The following WNT7A variants were observed in gnomAD, a reference collection of about 807,000 sequenced individuals.
WNT7A encodes protein Wnt-7a.
Under a neutral mutation model 28.2 loss-of-function variants are expected in WNT7A, and 16 were observed. The observed-to-expected ratio is 0.57, with a 90% CI of 0.38 to 0.86. The LOEUF is 0.86. Among genes scored for constraint, WNT7A ranks in the 40% least tolerant of loss-of-function variants. The pLI, the probability that WNT7A is intolerant of heterozygous loss-of-function variation, is 0.00. For synonymous variants in WNT7A, 190 were observed against 195.9 expected (o/e 0.97, Z 0.25); for missense variants, 411 against 489.7 (o/e 0.84, Z 1.52).
chr3:13,831,141 C>T (rs959098628), intron 3 of WNT7A, among the ~76,000 whole-genome samples: 3 of 152,140 alleles, frequency 2.0e-5, no homozygotes, highest in East Asian at 3.9e-4. Context: ...GGCTCAATGC[C>T]GGCCTCAAGC....
chr3:13,847,825 G>A (rs1351119585), intron 3 of WNT7A, among the ~76,000 whole-genome samples: 1 of 152,090 alleles, frequency 6.6e-6, no homozygotes, highest in East Asian at 1.9e-4. Context: ...GGACATGGGA[G>A]GTGGTTGTTT....
chr3:13,837,029 A>G (rs1295877813), intron 3 of WNT7A, among the ~76,000 whole-genome samples: 1 of 152,054 alleles, frequency 6.6e-6, no homozygotes, highest in Non-Finnish European at 1.5e-5. Context: ...GGAGCCCAGC[A>G]CACTGCAGGG....
intron 3 of WNT7A, among the ~76,000 whole-genome samples, chr3:13,841,283 T>C (rs776181550): frequency 2.0e-5 from 3 of 152,234 alleles, no homozygotes; most frequent in Admixed American, 6.5e-5. Flanking sequence ...TTTTTAGTGA[T>C]CTGTTCGTCT....
intron 2 of WNT7A, chr3:13,863,730 C>A (rs2124869000): frequency 6.6e-6 from 1 of 152,302 alleles, no homozygotes; most frequent in South Asian, 2.1e-4. Context: ...GCTGGCCCGC[C>A]CCTTGCTTCT....
At chr3:13,875,716 T>G (rs1695100408) in intron 1 of WNT7A, among the ~76,000 whole-genome samples, 1 of 152,080 alleles carries the variant, frequency 6.6e-6, no homozygotes, top group Non-Finnish European at 1.5e-5. Context: ...GTTTTATTGT[T>G]GGAAAAAAAA....
At position 13,825,771 on chromosome 3, in the gene WNT7A, C is replaced by G. The variant is rs566752826; in HGVS notation, c.571-6348G>C. ...AGGCAGTCCAACATAATGGGCAGGA[C>G]CGAGTCCAGTGCTCCCCATCAAGGC... On this transcript the variant is annotated intron_variant, in intron 3 of 3. Coordinates refer to ENST00000285018, the MANE Select transcript of WNT7A (RefSeq NM_004625.4). 3.3e-5 allele frequency among the ~76,000 whole-genome samples: 5 copies of G among 152,282 alleles called. No homozygotes were observed. In the East Asian group the frequency reaches 9.6e-4, roughly 29 times the overall value.
At chr3:13,863,562 A>G (rs1246107265) in intron 2 of WNT7A, 1 of 152,210 alleles carries the variant, frequency 6.6e-6, no homozygotes, top group Non-Finnish European at 1.5e-5. Flanking sequence ...TAGTGTCAGG[A>G]GAGCTAAAAC....
chr3:13,842,362 T>G (rs1284218332), intron 3 of WNT7A, among the ~76,000 whole-genome samples: 1 of 150,600 alleles, frequency 6.6e-6, no homozygotes, highest in East Asian at 2.0e-4. Flanking sequence ...GAGATACTGG[T>G]GGGTAGAAAC....
chr3:13,837,030 C>G (rs1336892878), intron 3 of WNT7A, among the ~76,000 whole-genome samples: 1 of 152,158 alleles, frequency 6.6e-6, no homozygotes, highest in Non-Finnish European at 1.5e-5. Context: ...GAGCCCAGCA[C>G]ACTGCAGGGC....
At chr3:13,877,309 T>A (rs1486317420) in intron 1 of WNT7A, 1 of 152,292 alleles carries the variant, frequency 6.6e-6, no homozygotes, top group Admixed American at 6.5e-5. Flanking sequence ...AGGAAGGTTC[T>A]CAGCTAGCAG....
At chr3:13,851,401 T>A (rs1236374524) in intron 3 of WNT7A, among the ~76,000 whole-genome samples, 1 of 152,252 alleles carries the variant, frequency 6.6e-6, no homozygotes, top group Non-Finnish European at 1.5e-5. Flanking sequence ...CTTTTGAACA[T>A]GCCTGTGCTG....
intron 3 of WNT7A, among the ~76,000 whole-genome samples, chr3:13,825,014 G>C (rs1694172044): frequency 6.6e-6 from 1 of 152,194 alleles, no homozygotes. Context: ...GGTTAAGAGA[G>C]CAAAGCAAGG....
At chr3:13,872,817 G>GT (rs1361696232) in intron 2 of WNT7A, among the ~76,000 whole-genome samples, 2 of 152,274 alleles carry the variant, frequency 1.3e-5, no homozygotes, top group African/African-American at 4.8e-5. Flanking sequence ...TCCAATGCCA[G>GT]TTGATATACT....
intron 2 of WNT7A, 143 bp from the exon 3 acceptor site, chr3:13,854,946 A>G: frequency 8.9e-7 from 1 of 1,128,468 alleles, no homozygotes; most frequent in Non-Finnish European, 1.3e-6. Context: ...AACTTCCAAC[A>G]AAGCTCCCTT....
chr3:13,822,299 T>C (rs1444702548), intron 3 of WNT7A, among the ~76,000 whole-genome samples: 1 of 152,168 alleles, frequency 6.6e-6, no homozygotes, highest in East Asian at 1.9e-4. Flanking sequence ...GCATTATTCA[T>C]AACAGCCAAA....
intron 2 of WNT7A, among the ~76,000 whole-genome samples, chr3:13,858,530 T>G (rs1694783321): frequency 6.6e-6 from 1 of 152,056 alleles, no homozygotes; most frequent in Non-Finnish European, 1.5e-5. Flanking sequence ...ATCCCACCCC[T>G]GAGGTGGGGA....
chr3:13,855,527 G>T (rs1447422775), intron 2 of WNT7A, among the ~76,000 whole-genome samples: 1 of 152,146 alleles, frequency 6.6e-6, no homozygotes, highest in Non-Finnish European at 1.5e-5. Context: ...CCCCCTCACT[G>T]GACTGTGAGT....
intron 3 of WNT7A, among the ~76,000 whole-genome samples, chr3:13,830,554 C>A (rs1694265684): frequency 6.6e-6 from 1 of 152,200 alleles, no homozygotes; most frequent in African/African-American, 2.4e-5. Flanking sequence ...CTGTGTCCCT[C>A]CTTGCCCTCC....
Position 13,818,735 on chromosome 3 carries a change from G to GGGTGGAGCAGCATTGGGTGTGGAAC in WNT7A, c.*184_*208dup. 1 of 708,816 alleles carries GGGTGGAGCAGCATTGGGTGTGGAAC rather than the reference G, an allele frequency of 1.4e-6. No homozygotes were observed. The highest frequency in any genetic ancestry group is 2.1e-6 in the Non-Finnish European group (1 of 466,136). 43.9% of individuals were successfully genotyped at this position (708,816 alleles called of 1,614,324 possible). On this transcript the variant is annotated 3_prime_UTR_variant, in exon 4 of 4. Transcript: ENST00000285018. ...AGGGACCTGGGCTGTGTCTGGGGGA[G>GGGTGGAGCAGCATTGGGTGTGGAAC]GGTGGAGCAGCATTGGGTGTGGAAC... is the stretch of plus-strand genomic sequence containing the variant.
Sources: allele counts gnomAD v4.1 joint callset (sites outside exome capture counted in the v4.1 genomes callset), GRCh38; gene constraint gnomAD v4.1.1; transcripts MANE v1.5; gene names NCBI Gene and HGNC (gene_info 2026-07-23, HGNC 2026-07-21).